TBCB: variants seen among roughly 807,000 people sequenced by gnomAD.
The protein encoded by TBCB is tubulin folding cofactor B, also known as tubulin-folding cofactor B.
TBCB carries 18 observed loss-of-function variants against 29.2 expected under a neutral mutation model. The observed-to-expected ratio is 0.62, with a 90% CI of 0.43 to 0.91. TBCB has a LOEUF of 0.91. TBCB is among the 40% of genes least tolerant of loss of function. The pLI is 0.00. For synonymous variants in TBCB, 172 were observed against 137.8 expected, an observed-to-expected ratio of 1.25 and a Z score of -1.74; for missense variants, 336 against 337.6, an observed-to-expected ratio of 1.00 and a Z score of 0.04.
intron 4 of TBCB, chr19:36,122,179 C>T: frequency 8.0e-6 from 2 of 249,100 alleles, no homozygotes; most frequent in South Asian, 3.9e-5. Flanking sequence ...TGCAGGTGAG[C>T]AGAGCGCAGG....
chr19:36,122,037 A>G, intron 4 of TBCB: 1 of 449,638 alleles, frequency 2.2e-6, no homozygotes, highest in South Asian at 2.2e-5. Flanking sequence ...GGCGTGACCA[A>G]GGCAGGAGTG....
At chr19:36,115,919 T>C (rs1262981895) in intron 1 of TBCB, 122 bp from the exon 2 acceptor site, 2 of 1,412,768 alleles carry the variant, frequency 1.4e-6, no homozygotes, top group Non-Finnish European at 1.9e-6. Context: ...AGGGGCTGGA[T>C]TGCGGCCCCG....
chr19:36,120,475 A>C, intron 2 of TBCB: 8 of 513,500 alleles, frequency 1.6e-5, no homozygotes, highest in Non-Finnish European at 2.1e-5. Context: ...CAAGCGGGGA[A>C]CTTCTGGGGA....
chr19:36,120,091 A>C (rs925135854), intron 2 of TBCB, among the ~76,000 whole-genome samples: 4 of 151,952 alleles, frequency 2.6e-5, no homozygotes, highest in South Asian at 2.1e-4. Context: ...CTACCCTCCC[A>C]TGCTCCTTAA....
At chr19:36,123,600 A>G (rs981303627) in intron 4 of TBCB, among the ~76,000 whole-genome samples, 2 of 150,340 alleles carry the variant, frequency 1.3e-5, no homozygotes, top group African/African-American at 4.9e-5. Context: ...GTGGCTGGGC[A>G]TGGTGGCTCA....
chr19:36,122,952 G>T (rs1312217884), intron 4 of TBCB, among the ~76,000 whole-genome samples: 1 of 152,052 alleles, frequency 6.6e-6, no homozygotes, highest in African/African-American at 2.4e-5. Context: ...CCGTCTTTAT[G>T]CCTGTGTGTA....
intron 2 of TBCB, 98 bp downstream of exon 2, chr19:36,116,282 G>T: frequency 6.6e-7 from 1 of 1,511,270 alleles, no homozygotes; most frequent in East Asian, 2.3e-5. Flanking sequence ...ACCCGAGATA[G>T]GTCCTGCCTT....
chr19:36,125,544 G>A (rs746535006), intron 5 of TBCB, 21 bp downstream of exon 5: 1 of 1,614,020 alleles, frequency 6.2e-7, no homozygotes, highest in Admixed American at 1.7e-5. Flanking sequence ...TTCCCACTCA[G>A]GTGTCTGTGT....
intron 2 of TBCB, among the ~76,000 whole-genome samples, chr19:36,119,787 G>C (rs945167825): frequency 1.3e-5 from 2 of 151,908 alleles, no homozygotes; most frequent in African/African-American, 4.8e-5. Flanking sequence ...CAGCTGCCCG[G>C]GAGGCTGAGG....
At chr19:36,122,624 C>CACCT (rs1974074649) in intron 4 of TBCB, among the ~76,000 whole-genome samples, 1 of 149,634 alleles carries the variant, frequency 6.7e-6, no homozygotes, top group South Asian at 2.1e-4. Flanking sequence ...TGGTGGTGAG[C>CACCT]ACCTATAGGT....
chr19:36,124,316 G>T (rs1308039439), intron 4 of TBCB, among the ~76,000 whole-genome samples: 2 of 152,090 alleles, frequency 1.3e-5, no homozygotes, highest in African/African-American at 2.4e-5. Flanking sequence ...TGCCTCCCGG[G>T]TTCAAGCAAT....
intron 2 of TBCB, 87 bp from the exon 3 acceptor site, chr19:36,120,623 C>G (rs1033496401): frequency 2.4e-5 from 27 of 1,140,352 alleles, no homozygotes; most frequent in Admixed American, 7.4e-5. Context: ...GCGTTTTTCC[C>G]AGATGGAGAC....
intron 4 of TBCB, among the ~76,000 whole-genome samples, chr19:36,124,532 G>A (rs992923977): frequency 6.6e-5 from 10 of 151,550 alleles, no homozygotes; most frequent in Non-Finnish European, 7.4e-5. Flanking sequence ...TCGGTATGTC[G>A]GGGTTTGGTT....
Position 36,125,824 on chromosome 19 carries a change from T to C in TBCB, c.*42T>C, listed in dbSNP as rs1428953483. 1.5e-5 allele frequency: 21 copies of C among 1,409,812 alleles called. No homozygotes were observed. The highest frequency in any genetic ancestry group is 2.0e-5 in the Non-Finnish European group (21 of 1,053,360). 87.3% of individuals were successfully genotyped at this position (1,409,812 alleles called of 1,614,324 possible). A position where few individuals can be genotyped will look rare whatever the true frequency, so the allele number is the denominator to read the frequency against. ...CTGCTTCAGCTCCTAGCTCAGCCAC[T>C]GACTGCCCCTCCTGTGTGTGCCCAT... On this transcript the variant is annotated 3_prime_UTR_variant, in exon 6 of 6. Coordinates refer to ENST00000221855, the MANE Select transcript of TBCB (RefSeq NM_001281.3).
chr19:36,115,899 GC>G, intron 1 of TBCB, 141 bp from the exon 2 acceptor site: 1 of 1,299,974 alleles, frequency 7.7e-7, no homozygotes. Context: ...GAGGGCGGGG[GC>G]AAGAGGCGAG....
chr19:36,120,537 G>A lies in TBCB; in HGVS notation c.259-173G>A, dbSNP rs1196147738. The A allele has an allele frequency of 8.6e-6, 5 of 582,266 alleles. No homozygotes were observed. The Admixed American group carries it at 1.5e-4, about 18-fold the overall frequency. The allele number at this position is 582,266 out of a possible 1,614,324, so 36.1% of individuals were successfully genotyped here. ...GGGGGTGAGGAAGGGGAGGTGGCCA[G>A]TGTACGTAGCTACTTCTCCCTTCCG... On this transcript the variant is annotated intron_variant, in intron 2 of 5. Transcript: ENST00000221855.
At chr19:36,115,251 A>C (rs1973925287), upstream of TBCB, 7 of 524,852 alleles carry the variant, frequency 1.3e-5, no homozygotes, top group Non-Finnish European at 2.0e-5. Flanking sequence ...AGCTCTTGCC[A>C]CTCCTACCTC....
rs1974130078 is a variant in TBCB at position 36,125,811 on chromosome 19, C to T, written c.*29C>T. 1 of 1,464,846 alleles carries T rather than the reference C, an allele frequency of 6.8e-7. No homozygotes were observed. The highest frequency in any genetic ancestry group is 2.4e-5 in the East Asian group (1 of 42,062). The allele number at this position is 1,464,846 out of a possible 1,614,324, so 90.7% of individuals were successfully genotyped here. On this transcript the variant is annotated 3_prime_UTR_variant, in exon 6 of 6. Transcript: ENST00000221855. ...CTAAGGAATTCCCCTGCTTCAGCTC[C>T]TAGCTCAGCCACTGACTGCCCCTCC...
rs1374622209 is a variant in TBCB, at chr19:36,116,092, C to T, written c.166C>T (p.Leu56=). 6.2e-7 allele frequency: 1 copy of T among 1,614,158 alleles called. No homozygotes were observed. Among genetic ancestry groups the T allele is most frequent in the Non-Finnish European group, 8.5e-7 (1 of 1,180,030 alleles). ...GSPASCMELE[L]YGVDDKFYSK... ...CCCTGCTTCCTGCATGGAACTGGAGCTGTATGGAGTTGACGACAAGTTCTA... is the reference window on the plus strand; with the variant it reads ...CCCTGCTTCCTGCATGGAACTGGAGTTGTATGGAGTTGACGACAAGTTCTA... Residue 56 remains leucine, a synonymous_variant, in exon 2 of 6, where the codon CTG becomes TTG. Transcript: ENST00000221855.
Sources: gnomAD v4.1 joint callset for allele counts (sites outside exome capture counted in the v4.1 genomes callset) on GRCh38, gnomAD v4.1.1 for gene constraint, MANE v1.5 for transcripts, NCBI Gene and HGNC (gene_info 2026-07-23, HGNC 2026-07-21) for gene names.